Variants in LMF1 observed in about 807,000 individuals in gnomAD.
LMF1 encodes the protein lipase maturation factor 1.
LMF1 carries 68 observed loss-of-function variants against 60.6 expected under a neutral mutation model. That is an observed-to-expected ratio of 1.12 (90% CI 0.92 to 1.37). LMF1 has a LOEUF of 1.37. Ranked by LOEUF, LMF1 falls within the 40% of genes most tolerant of loss-of-function variation. The probability of loss-of-function intolerance (pLI) is 0.00; values close to 1 mark genes in which losing one functional copy is unlikely to be tolerated. For missense variants in LMF1, 948 were observed against 767.2 expected (o/e 1.24, Z -2.78); for synonymous variants, 418 against 324.7 (o/e 1.29, Z -3.09).
Position 854,664 on chromosome 16 carries a change from A to G in LMF1, c.1572T>C (p.Pro524=). ...TGCCCTCGGCGGCGTGCCTGCCCCC[A>G]GGACGGCTGAACTTGTACCTGTAGT... ...GEHYRYKFSR[P]GGRHAAEGKW... is the part of the protein sequence containing the mutation. Residue 524 remains proline (P), a synonymous_variant, in exon 11 of 11, where the codon CCT becomes CCC. Transcript: ENST00000262301. The G allele has an allele frequency of 6.2e-7, 1 of 1,604,212 alleles. No homozygotes were observed. The highest frequency in any genetic ancestry group is 2.2e-5 in the East Asian group (1 of 44,620).
At chr16:955,314 G>T (rs541065545) in intron 1 of LMF1, among the ~76,000 whole-genome samples, 1 of 137,342 alleles carries the variant, frequency 7.3e-6, no homozygotes, top group Non-Finnish European at 1.6e-5. Context: ...CAGCAGACGC[G>T]GTGTGTGCAT....
At chr16:934,472 C>A in intron 2 of LMF1, 2 of 584,944 alleles carry the variant, frequency 3.4e-6, no homozygotes, top group Non-Finnish European at 6.1e-6. Context: ...AAAACATATT[C>A]CAAGATACAC....
At chr16:877,305 C>G (rs2070020277) in intron 6 of LMF1, among the ~76,000 whole-genome samples, 1 of 152,180 alleles carries the variant, frequency 6.6e-6, no homozygotes, top group Non-Finnish European at 1.5e-5. Context: ...GAAATGTTCA[C>G]CACAAAAACT....
rs1163574186 is a variant in LMF1 at position 858,479 on chromosome 16, G to C, written c.1530-3773C>G. Among the ~76,000 whole-genome samples, 2 of 38,780 alleles carry C rather than the reference G, an allele frequency of 5.2e-5. 1 individual carries two copies. The highest frequency in any genetic ancestry group is 6.9e-4 in the African/African-American group (2 of 2,906). The allele number at this position is 38,780 out of a possible 152,430, so 25.4% of individuals were successfully genotyped here. Reference sequence around the variant, plus strand: ...TGACTCGGGACGGGTGTGCAGTGGTGACTCGGGACGGGTGTGCGTGGTGTC... The same window carrying C: ...TGACTCGGGACGGGTGTGCAGTGGTCACTCGGGACGGGTGTGCGTGGTGTC... On this transcript the variant is annotated intron_variant, in intron 10 of 10. Transcript: ENST00000262301.
At chr16:887,451 G>A (rs1032127994) in intron 5 of LMF1, among the ~76,000 whole-genome samples, 4 of 152,222 alleles carry the variant, frequency 2.6e-5, no homozygotes, top group African/African-American at 9.6e-5. Context: ...TGGGGCACAC[G>A]CGGTCTCGGT....
At chr16:949,613 G>A (rs2072382492) in intron 2 of LMF1, among the ~76,000 whole-genome samples, 1 of 118,540 alleles carries the variant, frequency 8.4e-6, no homozygotes, top group Non-Finnish European at 1.6e-5. Flanking sequence ...AGTCAGAGAC[G>A]ACAGAGTCAG....
Position 954,623 on chromosome 16 carries a change from G to C in LMF1, c.237C>G (p.Ile79Met), listed in dbSNP as rs141010394. The change falls in exon 2 of 11, where the codon ATC becomes ATG. Residue 79 changes from isoleucine to methionine, a missense_variant. Transcript: ENST00000262301. ...TGCAGGGAAGCAGCCCCCTGTCACC[G>C]ATGAGCTGCTTGTTCTGATGGAAAG... ...LVAFHQNKQL[I>M]GDRGLLPCRV... The C allele has an allele frequency of 1.2e-6, 2 of 1,608,524 alleles. No individual in the cohort carries two copies. Among genetic ancestry groups the C allele is most frequent in the Admixed American group, 1.7e-5 (1 of 59,946 alleles).
At position 874,870 on chromosome 16, in the gene LMF1, G is replaced by A. The variant is rs2151707148; in HGVS notation, c.898-3529C>T. ...CCAGGACACTACAATGTTAGAGGGC[G>A]CGGGTCACTCTCAGCCCCACACCAT... On this transcript the variant is annotated intron_variant, in intron 6 of 10. Coordinates refer to ENST00000262301, the MANE Select transcript of LMF1 (RefSeq NM_022773.4). The surrounding 1 kb of genome is among the most constrained non-coding windows in gnomAD (Gnocchi z 4.1). 6.6e-6 allele frequency among the ~76,000 whole-genome samples: 1 copy of A among 152,190 alleles called. No homozygotes were observed. The highest frequency in any genetic ancestry group is 6.5e-5 in the Admixed American group (1 of 15,304).
At chr16:957,143 T>C (rs1169030067) in intron 1 of LMF1, among the ~76,000 whole-genome samples, 1 of 152,084 alleles carries the variant, frequency 6.6e-6, no homozygotes, top group African/African-American at 2.4e-5. Flanking sequence ...AGAGACTCCA[T>C]CTCAAAAGGA....
At chr16:910,815 CAGG>C (rs1486649930) in intron 4 of LMF1, 113 bp downstream of exon 4, 2 of 1,350,326 alleles carry the variant, frequency 1.5e-6, no homozygotes, top group Non-Finnish European at 2.0e-6. Flanking sequence ...GCCAGGCCGA[CAGG>C]AGGACAGAGG....
Position 954,459 on chromosome 16 carries a change from A to C in LMF1, c.401T>G (p.Leu134Arg), listed in dbSNP as rs778690054. 5.0e-6 allele frequency: 8 copies of C among 1,612,860 alleles called. No homozygotes were observed. The South Asian group carries it at 8.8e-5, about 18-fold the overall frequency. Residue 134 changes from leucine (L) to arginine (R), a missense_variant, in exon 2 of 11, where the codon CTG becomes CGG. Coordinates refer to ENST00000262301, the MANE Select transcript of LMF1 (RefSeq NM_022773.4). ...GATCAGTACGAAAGACGAGATGCCC[A>C]GTCCGAGAAGAGCCAGCAAGTCCAG... ...SNLDLLALLG[L>R]GISSFVLITG...
intron 1 of LMF1, among the ~76,000 whole-genome samples, chr16:959,964 C>G (rs2072789572): frequency 6.6e-6 from 1 of 152,168 alleles, no homozygotes; most frequent in Non-Finnish European, 1.5e-5. Flanking sequence ...CGTATACTTA[C>G]AGATGGATAG....
In LMF1 at chr16:948,669, C is replaced by A. The variant is rs1182230436; in HGVS notation, c.503+5688G>T. On this transcript the variant is annotated intron_variant, in intron 2 of 10. Transcript: ENST00000262301. Reference sequence around the variant, plus strand: ...CGACAGAGTCAGCCAACGACAGAATCAGAGACAATGACAGAGTCAGCCAAC... The same window carrying A: ...CGACAGAGTCAGCCAACGACAGAATAAGAGACAATGACAGAGTCAGCCAAC... 9.7e-4 allele frequency among the ~76,000 whole-genome samples: 146 copies of A among 149,910 alleles called. 4 individuals carry two copies. The highest frequency in any genetic ancestry group is 3.4e-3 in the African/African-American group (138 of 40,180).
rs1269214054 is a variant in LMF1 at position 854,295 on chromosome 16, C to T, written c.*237G>A. 2 of 683,902 alleles carry T rather than the reference C, an allele frequency of 2.9e-6. No individual in the cohort carries two copies. Among genetic ancestry groups the T allele is most frequent in the Admixed American group, 2.0e-5 (1 of 49,276 alleles). 42.4% of individuals were successfully genotyped at this position (683,902 alleles called of 1,614,324 possible). ...GTGGGATGGATGGGAGATCAGAGCC[C>T]CTGGCGCCTGGGACAAGGGTTGGCC... On this transcript the variant is annotated 3_prime_UTR_variant, in exon 11 of 11. Transcript: ENST00000262301.
At chr16:979,782 G>A (rs1441175054) in intron 1 of LMF1, 1 of 454,102 alleles carries the variant, frequency 2.2e-6, no homozygotes, top group East Asian at 6.9e-5. Context: ...GGCAGGGGGT[G>A]GAAGGTGGCA....
chr16:976,469 C>T (rs1042588096), intron 1 of LMF1: 3 of 454,024 alleles, frequency 6.6e-6, no homozygotes, highest in African/African-American at 6.0e-5. Flanking sequence ...GACACCGCCC[C>T]CAGGCTGGGC....
At chr16:954,153 G>C (rs2072603575) in intron 2 of LMF1, 8 of 695,340 alleles carry the variant, frequency 1.2e-5, no homozygotes, top group Non-Finnish European at 2.1e-5. Flanking sequence ...ACTGCAAAGA[G>C]GTGGGGTTTT....
At chr16:967,221 C>A (rs2072942534) in intron 1 of LMF1, among the ~76,000 whole-genome samples, 1 of 152,226 alleles carries the variant, frequency 6.6e-6, no homozygotes, top group African/African-American at 2.4e-5. Context: ...ATCAAGGAGC[C>A]GGCCTGGCTG....
intron 10 of LMF1, among the ~76,000 whole-genome samples, chr16:866,457 G>A (rs957463658): frequency 1.4e-4 from 21 of 152,134 alleles, no homozygotes; most frequent in African/African-American, 3.6e-4. Context: ...TAGCTATTAC[G>A]TAATACCACT....
Sources: gnomAD v4.1 joint callset for allele counts (sites outside exome capture counted in the v4.1 genomes callset) on GRCh38, gnomAD v4.1.1 for gene constraint, Gnocchi (gnomAD v3.1) non-coding constraint, MANE v1.5 for transcripts, NCBI Gene and HGNC (gene_info 2026-07-23, HGNC 2026-07-21) for gene names.